FUT9: variants seen among roughly 807,000 people sequenced by gnomAD.
FUT9 encodes the protein fucosyltransferase 9.
In FUT9, 15 loss-of-function variants were observed where a neutral mutation model predicts 29.7. The ratio of observed to expected loss-of-function variants is 0.51; its 90% CI spans 0.34 to 0.78. FUT9 has a LOEUF of 0.78. FUT9 is among the 30% of genes least tolerant of loss of function. The pLI, the probability that FUT9 is intolerant of heterozygous loss-of-function variation, is 0.01. For missense variants in FUT9, 319 were observed against 425.4 expected, an observed-to-expected ratio of 0.75 and a Z score of 2.20; for synonymous variants, 169 against 153.7, an observed-to-expected ratio of 1.10 and a Z score of -0.74.
At chr6:96,187,245 A>G (rs1373059110) in intron 2 of FUT9, among the ~76,000 whole-genome samples, 1 of 152,156 alleles carries the variant, frequency 6.6e-6, no homozygotes, top group African/African-American at 2.4e-5. Flanking sequence ...GTTCTGGAAG[A>G]GATGCTGTGA....
chr6:96,056,250 A>T (rs9404174), intron 1 of FUT9, among the ~76,000 whole-genome samples: 3,390 of 152,294 alleles, frequency 0.022, 64 homozygotes, highest in East Asian at 0.08. Flanking sequence ...AACTTTTCAA[A>T]TACCCACATA....
chr6:96,167,711 T>C (rs1773039124), intron 2 of FUT9, among the ~76,000 whole-genome samples: 1 of 152,132 alleles, frequency 6.6e-6, no homozygotes, highest in South Asian at 2.1e-4. Flanking sequence ...GGGTGCCAAG[T>C]AGAGGAGACT....
At chr6:96,117,624 T>G (rs1771935950) in intron 2 of FUT9, among the ~76,000 whole-genome samples, 2 of 152,208 alleles carry the variant, frequency 1.3e-5, no homozygotes, top group African/African-American at 4.8e-5. Context: ...GAAAAGTCTC[T>G]GAGAATTTAA....
intron 1 of FUT9, among the ~76,000 whole-genome samples, chr6:96,054,916 T>A (rs934736722): frequency 6.6e-6 from 1 of 152,200 alleles, no homozygotes; most frequent in African/African-American, 2.4e-5. Context: ...ATTTTCATTT[T>A]TATCCTTTCT....
rs1248682235 is a variant in FUT9, at chr6:96,204,262, A to AAAT, written c.*29_*31dup. ...ATTTTTCATCACTTGCACACTTGAT[A>AAAT]AATATTTTGATGAGATATCATCCAA... On this transcript the variant is annotated 3_prime_UTR_variant, in exon 3 of 3. Coordinates refer to ENST00000302103, the MANE Select transcript of FUT9 (RefSeq NM_006581.4). The AAAT allele has an allele frequency of 7.2e-7, 1 of 1,387,632 alleles. No individual in the cohort carries two copies. Among genetic ancestry groups the AAAT allele is most frequent in the Non-Finnish European group, 9.5e-7 (1 of 1,052,076 alleles). The allele number at this position is 1,387,632 out of a possible 1,614,324, so 86.0% of individuals were successfully genotyped here. A position where few individuals can be genotyped will look rare whatever the true frequency, so the allele number is the denominator to read the frequency against.
At chr6:96,156,299 C>T (rs924739117) in intron 2 of FUT9, among the ~76,000 whole-genome samples, 1 of 152,074 alleles carries the variant, frequency 6.6e-6, no homozygotes, top group Non-Finnish European at 1.5e-5. Context: ...CCCCTTGGAG[C>T]CTTTGGTTCA....
intron 1 of FUT9, among the ~76,000 whole-genome samples, chr6:96,091,406 TG>T (rs1771409460): frequency 6.6e-6 from 1 of 152,082 alleles, no homozygotes; most frequent in Non-Finnish European, 1.5e-5. Context: ...AGAAGACTAA[TG>T]AGTCAATAAC....
chr6:96,174,233 C>A (rs1773163950), intron 2 of FUT9, among the ~76,000 whole-genome samples: 1 of 152,034 alleles, frequency 6.6e-6, no homozygotes, highest in African/African-American at 2.4e-5. Flanking sequence ...AATGTCCTAA[C>A]AATTCCAGCT....
intron 2 of FUT9, among the ~76,000 whole-genome samples, chr6:96,120,855 T>A (rs1465477555): frequency 6.6e-6 from 1 of 151,932 alleles, no homozygotes; most frequent in African/African-American, 2.4e-5. Context: ...CAAATCTTTC[T>A]CCTCCACAAG....
Position 96,208,378 on chromosome 6 carries a change from A to G in FUT9, c.*4143A>G, listed in dbSNP as rs1239492066. 2 of 166,826 alleles carry G rather than the reference A, an allele frequency of 1.2e-5. No individual in the cohort carries two copies. Among genetic ancestry groups the G allele is most frequent in the South Asian group, 2.1e-4 (1 of 4,826 alleles). 10.3% of individuals were successfully genotyped at this position (166,826 alleles called of 1,614,324 possible). A position where few individuals can be genotyped will look rare whatever the true frequency, so the allele number is the denominator to read the frequency against. ...CCTTGAACTCTGATCTCATTTTGAG[A>G]AACATTTTGAGAAACTTCTTAACAA... On this transcript the variant is annotated 3_prime_UTR_variant, in exon 3 of 3. Coordinates refer to ENST00000302103, the MANE Select transcript of FUT9 (RefSeq NM_006581.4).
intron 1 of FUT9, among the ~76,000 whole-genome samples, chr6:96,017,037 T>C (rs779177858): frequency 6.6e-6 from 1 of 152,220 alleles, no homozygotes; most frequent in Admixed American, 6.5e-5. Context: ...TCCTGCGGAA[T>C]TGGTCTTACT....
At chr6:96,153,414 T>C (rs965567948) in intron 2 of FUT9, among the ~76,000 whole-genome samples, 4 of 152,162 alleles carry the variant, frequency 2.6e-5, no homozygotes, top group African/African-American at 9.7e-5. Flanking sequence ...TTGGGGGATA[T>C]TGGAAAAACT....
intron 1 of FUT9, among the ~76,000 whole-genome samples, chr6:96,050,867 C>G (rs1770654141): frequency 6.6e-6 from 1 of 152,106 alleles, no homozygotes; most frequent in Non-Finnish European, 1.5e-5. Flanking sequence ...ATTTTGACAA[C>G]TACTTCTAAT....
At chr6:96,188,923 C>T (rs922087857) in intron 2 of FUT9, among the ~76,000 whole-genome samples, 2 of 151,936 alleles carry the variant, frequency 1.3e-5, no homozygotes, top group Non-Finnish European at 1.5e-5. Flanking sequence ...TGAGTAAAAA[C>T]GCCCAATCTT....
chr6:96,035,779 T>C (rs1478985722), intron 1 of FUT9, among the ~76,000 whole-genome samples: 8 of 123,892 alleles, frequency 6.5e-5, no homozygotes, highest in Non-Finnish European at 1.3e-4. Context: ...AAATATAATA[T>C]AATTTATTTA....
intron 1 of FUT9, among the ~76,000 whole-genome samples, chr6:96,059,802 C>A (rs2127943153): frequency 6.6e-6 from 1 of 152,224 alleles, no homozygotes; most frequent in South Asian, 2.1e-4. Flanking sequence ...GAATATAAAG[C>A]AATGAGGCTG....
At chr6:96,057,561 T>A (rs1357010562) in intron 1 of FUT9, among the ~76,000 whole-genome samples, 1 of 152,248 alleles carries the variant, frequency 6.6e-6, no homozygotes, top group African/African-American at 2.4e-5. Flanking sequence ...ATGTTGATTT[T>A]ATAAACTTAT....
chr6:96,121,101 A>G (rs1437301640), intron 2 of FUT9, among the ~76,000 whole-genome samples: 1 of 152,188 alleles, frequency 6.6e-6, no homozygotes, highest in Admixed American at 6.5e-5. Flanking sequence ...TGCACCTGGA[A>G]GAACTTACTG....
chr6:96,061,819 A>C (rs1191041460), intron 1 of FUT9, among the ~76,000 whole-genome samples: 1 of 152,154 alleles, frequency 6.6e-6, no homozygotes, highest in East Asian at 1.9e-4. Context: ...AAACTCAGAA[A>C]GCTCTTAATC....
Sources: gnomAD v4.1 joint callset for allele counts (sites outside exome capture counted in the v4.1 genomes callset) on GRCh38, gnomAD v4.1.1 for gene constraint, MANE v1.5 for transcripts, NCBI Gene and HGNC (gene_info 2026-07-23, HGNC 2026-07-21) for gene names.